The following CGNL1 variants were observed in gnomAD, a reference collection of about 807,000 sequenced individuals.
CGNL1 encodes cingulin like 1.
A neutral mutation model predicts 141.2 loss-of-function variants in CGNL1; 132 were observed. That is an observed-to-expected ratio of 0.93 (90% confidence interval 0.81 to 1.08). CGNL1 has a LOEUF of 1.08. Among genes scored for constraint, CGNL1 ranks in the 50% least tolerant of loss-of-function variants. The pLI is 0.00. For missense variants in CGNL1, 1,870 were observed against 1,588.6 expected (o/e 1.18, Z -3.01); for synonymous variants, 690 against 622.1 (o/e 1.11, Z -1.63).
intron 8 of CGNL1, among the ~76,000 whole-genome samples, chr15:57,474,281 G>A (rs1030940999): frequency 2.0e-5 from 3 of 152,092 alleles, no homozygotes; most frequent in Non-Finnish European, 4.4e-5. Context: ...AGGCTGCTAA[G>A]TTTTGGGACA....
chr15:57,379,247 C>T (rs531447131), intron 1 of CGNL1, among the ~76,000 whole-genome samples: 1 of 152,118 alleles, frequency 6.6e-6, no homozygotes, highest in Non-Finnish European at 1.5e-5. Context: ...CACTCTACCC[C>T]CCCAAAAAGA....
At chr15:57,447,958 A>G (rs1459501818) in intron 4 of CGNL1, among the ~76,000 whole-genome samples, 5 of 152,092 alleles carry the variant, frequency 3.3e-5, no homozygotes, top group African/African-American at 1.2e-4. Context: ...CTCTTTTAAG[A>G]TGTCTTTAAA....
intron 8 of CGNL1, among the ~76,000 whole-genome samples, chr15:57,466,251 A>G (rs1447204209): frequency 1.3e-5 from 2 of 152,180 alleles, no homozygotes; most frequent in African/African-American, 4.8e-5. Context: ...TAGTTTTAAA[A>G]AGGAAATGTC....
Position 57,439,099 on chromosome 15 carries a change from A to T in CGNL1, c.1100A>T (p.Gln367Leu). 1 of 1,614,232 alleles carries T rather than the reference A, an allele frequency of 6.2e-7. No homozygotes were observed. The highest frequency in any genetic ancestry group is 8.5e-7 in the Non-Finnish European group (1 of 1,180,046). The stretch of plus-strand genomic sequence containing the variant: ...AAATTTGATCAAAAACCTGGGCTTC[A>T]GAGAAGAGGAAGGTCTGGGAAGCGA... ...IEKFDQKPGL[Q>L]RRGRSGKRNR... is the part of the protein sequence containing the mutation. The change falls in exon 2 of 19, where the codon CAG becomes CTG. Residue 367 changes from glutamine to leucine, a missense_variant. By Grantham distance (113) the Gln-to-Leu change is moderately radical (BLOSUM62 -2). Coordinates refer to ENST00000281282, the MANE Select transcript of CGNL1 (RefSeq NM_032866.5).
chr15:57,405,229 G>C (rs1294399389), intron 1 of CGNL1: 1 of 152,196 alleles, frequency 6.6e-6, no homozygotes, highest in East Asian at 1.9e-4. Flanking sequence ...GCATTAAGAT[G>C]ATGGCTGCCT....
intron 8 of CGNL1, among the ~76,000 whole-genome samples, chr15:57,468,559 CGTGT>C (rs67758921): frequency 0.079 from 11,538 of 145,844 alleles, 706 homozygotes; most frequent in East Asian, 0.31. Flanking sequence ...AAAAAGTTTG[CGTGT>C]GTGTGTGTGT....
chr15:57,489,330 T>C (rs1484394254), intron 8 of CGNL1, among the ~76,000 whole-genome samples: 2 of 152,212 alleles, frequency 1.3e-5, no homozygotes, highest in Non-Finnish European at 2.9e-5. Flanking sequence ...TTCCAATAAA[T>C]TGAGTGATGT....
intron 1 of CGNL1, among the ~76,000 whole-genome samples, chr15:57,412,126 G>A (rs1358577628): frequency 6.6e-6 from 1 of 152,202 alleles, no homozygotes; most frequent in African/African-American, 2.4e-5. Flanking sequence ...GTTTGTGTTG[G>A]CATCAGACGG....
At chr15:57,393,613 T>A (rs1242776833) in intron 1 of CGNL1, among the ~76,000 whole-genome samples, 1 of 152,196 alleles carries the variant, frequency 6.6e-6, no homozygotes, top group East Asian at 1.9e-4. Context: ...ATCCAAAGAA[T>A]CTGAGATCAT....
intron 1 of CGNL1, among the ~76,000 whole-genome samples, chr15:57,420,666 C>A (rs1003218036): frequency 3.9e-5 from 6 of 152,298 alleles, no homozygotes; most frequent in Admixed American, 6.5e-5. Context: ...CCACTCATTT[C>A]TGGAGTTATT....
intron 8 of CGNL1, among the ~76,000 whole-genome samples, chr15:57,484,367 T>C (rs2152366463): frequency 6.6e-6 from 1 of 152,330 alleles, no homozygotes; most frequent in South Asian, 2.1e-4. Context: ...GTCTATTTCA[T>C]CTAAGTTGTC....
At chr15:57,407,286 T>C (rs1264907888) in intron 1 of CGNL1, 1 of 152,240 alleles carries the variant, frequency 6.6e-6, no homozygotes. Flanking sequence ...GAAAAAAGAC[T>C]CCTCATCTGT....
At chr15:57,433,863 A>G (rs1383523686) in intron 1 of CGNL1, among the ~76,000 whole-genome samples, 2 of 148,246 alleles carry the variant, frequency 1.3e-5, no homozygotes, top group African/African-American at 5.0e-5. Flanking sequence ...TCCTTGAGAA[A>G]TTGAACAACT....
chr15:57,536,619 T>C (rs2032273414), intron 14 of CGNL1, among the ~76,000 whole-genome samples: 1 of 152,250 alleles, frequency 6.6e-6, no homozygotes, highest in South Asian at 2.1e-4. Context: ...TTGAAGTTGC[T>C]GGCGTTTGGT....
chr15:57,479,544 A>G (rs1405326599), intron 8 of CGNL1, among the ~76,000 whole-genome samples: 2 of 152,306 alleles, frequency 1.3e-5, no homozygotes, highest in African/African-American at 4.8e-5. Context: ...CATGCTTGTA[A>G]TCCTAGCTAG....
intron 5 of CGNL1, 65 bp downstream of exon 5, chr15:57,451,666 A>G: frequency 1.7e-6 from 2 of 1,200,392 alleles, no homozygotes; most frequent in East Asian, 2.4e-5. Context: ...AATATTTTAC[A>G]TGCATTGGGA....
intron 4 of CGNL1, 106 bp downstream of exon 4, chr15:57,442,584 T>C: frequency 1.5e-6 from 1 of 674,332 alleles, no homozygotes; most frequent in Non-Finnish European, 2.6e-6. Context: ...AAGTGGGAAG[T>C]TGCCTGAGTA....
At chr15:57,427,894 GTTCTCA>G (rs1332403416) in intron 1 of CGNL1, among the ~76,000 whole-genome samples, 1 of 152,180 alleles carries the variant, frequency 6.6e-6, no homozygotes, top group Non-Finnish European at 1.5e-5. Flanking sequence ...TGTGGATCTG[GTTCTCA>G]TGTTTTAAAC....
rs1230953392 is a variant in CGNL1 at position 57,544,546 on chromosome 15, A to C, written c.3449A>C (p.Gln1150Pro). 6.2e-7 allele frequency: 1 copy of C among 1,610,670 alleles called. No individual in the cohort carries two copies. The highest frequency in any genetic ancestry group is 1.7e-5 in the Admixed American group (1 of 59,458). Residue 1150 changes from glutamine to proline, a missense_variant, in exon 16 of 19, where the codon CAG becomes CCG. Coordinates refer to ENST00000281282, the MANE Select transcript of CGNL1 (RefSeq NM_032866.5). ...YRSSKEGLVVQMEARIAELED... is the reference protein window; with the variant it reads ...YRSSKEGLVVPMEARIAELED... ...TCCAGCAAAGAGGGGCTGGTTGTGC[A>C]GATGGAGGCCAGGATCGCGGAGCTG... is the stretch of plus-strand genomic sequence containing the variant.
Sources: allele counts gnomAD v4.1 joint callset (sites outside exome capture counted in the v4.1 genomes callset), GRCh38; gene constraint gnomAD v4.1.1; transcripts MANE v1.5; gene names NCBI Gene and HGNC (gene_info 2026-07-23, HGNC 2026-07-21).